Variants in RGL1 observed in about 807,000 individuals in gnomAD.
RGL1 encodes the protein ral guanine nucleotide dissociation stimulator like 1, also known as ral guanine nucleotide dissociation stimulator-like 1.
In RGL1, 24 loss-of-function variants were observed where a neutral mutation model predicts 95.2. That is an observed-to-expected ratio of 0.25 (90% CI 0.18 to 0.35). The LOEUF (loss-of-function observed/expected upper bound fraction) is 0.35. Ranked by LOEUF, RGL1 falls within the 10% of genes least tolerant of loss-of-function variation. The probability of loss-of-function intolerance (pLI) is 1.00; values close to 1 mark genes in which losing one functional copy is unlikely to be tolerated. For missense variants in RGL1, 715 were observed against 936.3 expected (o/e 0.76, Z 3.08); for synonymous variants, 329 against 344.9 (o/e 0.95, Z 0.51).
intron 12 of RGL1, among the ~76,000 whole-genome samples, chr1:183,904,213 A>C (rs988984113): frequency 1.3e-5 from 2 of 152,220 alleles, no homozygotes; most frequent in Non-Finnish European, 2.9e-5. Context: ...AATTTTCAAC[A>C]TAATTATGTA....
chr1:183,656,519 T>C (rs1290625489), intron 1 of RGL1, among the ~76,000 whole-genome samples: 2 of 152,232 alleles, frequency 1.3e-5, no homozygotes, highest in African/African-American at 4.8e-5. Context: ...CAAACTGTGT[T>C]CAAATCAGGG....
At chr1:183,908,165 G>T (rs1668446718) in intron 14 of RGL1, among the ~76,000 whole-genome samples, 1 of 152,022 alleles carries the variant, frequency 6.6e-6, no homozygotes, top group South Asian at 2.1e-4. Context: ...TTGAGGATTT[G>T]GGGGGATCAG....
At chr1:183,866,383 CA>C (rs1665839829) in intron 4 of RGL1, among the ~76,000 whole-genome samples, 1 of 152,068 alleles carries the variant, frequency 6.6e-6, no homozygotes, top group Non-Finnish European at 1.5e-5. Context: ...AGAATACACA[CA>C]AAAAAGTGAA....
intron 2 of RGL1, among the ~76,000 whole-genome samples, chr1:183,771,868 C>T (rs1659290962): frequency 6.6e-6 from 1 of 152,180 alleles, no homozygotes; most frequent in Non-Finnish European, 1.5e-5. Flanking sequence ...ACAGAAGTGG[C>T]TGGACGTGGA....
intron 1 of RGL1, among the ~76,000 whole-genome samples, chr1:183,668,420 TCTTTA>T (rs143517441): frequency 0.01 from 1,569 of 152,258 alleles, 29 homozygotes; most frequent in African/African-American, 0.036. Context: ...GTAATTTTTA[TCTTTA>T]CTTCTGTGTT....
intron 2 of RGL1, among the ~76,000 whole-genome samples, chr1:183,779,158 C>CCCTTCCTTCCTTCCTT (rs34992555): frequency 1.5e-3 from 138 of 91,852 alleles, no homozygotes; most frequent in South Asian, 2.1e-3. Context: ...TCAAAATTTT[C>CCCTTCCTTCCTTCCTT]CCTTCCTTCC....
chr1:183,690,805 T>G (rs1653900827), intron 1 of RGL1, among the ~76,000 whole-genome samples: 1 of 152,210 alleles, frequency 6.6e-6, no homozygotes, highest in African/African-American at 2.4e-5. Flanking sequence ...TTTCTTCTAC[T>G]TGTTAATAGT....
intron 2 of RGL1, among the ~76,000 whole-genome samples, chr1:183,790,800 A>G (rs1660406799): frequency 6.6e-6 from 1 of 152,152 alleles, no homozygotes; most frequent in African/African-American, 2.4e-5. Context: ...TGTTGGGTTT[A>G]TGTTATTCTG....
At chr1:183,753,482 A>G (rs1453314580) in intron 2 of RGL1, among the ~76,000 whole-genome samples, 1 of 152,196 alleles carries the variant, frequency 6.6e-6, no homozygotes, top group Admixed American at 6.5e-5. Context: ...GCTAAGAGCA[A>G]AAGACTTTAT....
chr1:183,710,675 G>A (rs1182144947), intron 1 of RGL1, among the ~76,000 whole-genome samples: 2 of 152,184 alleles, frequency 1.3e-5, no homozygotes, highest in African/African-American at 2.4e-5. Flanking sequence ...CATGGTGGCA[G>A]GAGAGGGAGA....
chr1:183,846,468 A>T (rs564989106), intron 2 of RGL1, among the ~76,000 whole-genome samples: 34 of 152,132 alleles, frequency 2.2e-4, no homozygotes, highest in Admixed American at 2.0e-3. Context: ...GATGGGTGCA[A>T]CAAACCACCA....
At chr1:183,798,904 G>A (rs541821770) in intron 2 of RGL1, among the ~76,000 whole-genome samples, 8 of 135,898 alleles carry the variant, frequency 5.9e-5, no homozygotes, top group Non-Finnish European at 9.4e-5. Flanking sequence ...TTTTTTTGAC[G>A]GAGTCTTGCT....
intron 1 of RGL1, among the ~76,000 whole-genome samples, chr1:183,688,416 C>A (rs574069261): frequency 3.9e-5 from 6 of 152,118 alleles, no homozygotes; most frequent in Admixed American, 2.0e-4. Flanking sequence ...AATTTTGGAG[C>A]ATCCTCCAGG....
intron 2 of RGL1, among the ~76,000 whole-genome samples, chr1:183,778,278 C>T (rs1287905668): frequency 6.6e-6 from 1 of 152,022 alleles, no homozygotes; most frequent in Non-Finnish European, 1.5e-5. Flanking sequence ...ATTGGCAGCG[C>T]TTGTGTTTAG....
chr1:183,729,989 T>G (rs1322182821), intron 1 of RGL1, among the ~76,000 whole-genome samples: 1 of 152,168 alleles, frequency 6.6e-6, no homozygotes, highest in Non-Finnish European at 1.5e-5. Flanking sequence ...GGGAAGGGGC[T>G]TAAGAGAATG....
At chr1:183,697,390 C>A (rs1654315372) in intron 1 of RGL1, among the ~76,000 whole-genome samples, 1 of 152,082 alleles carries the variant, frequency 6.6e-6, no homozygotes, top group Admixed American at 6.6e-5. Flanking sequence ...TTATTGTCTT[C>A]CTTTTCTACT....
intron 14 of RGL1, among the ~76,000 whole-genome samples, chr1:183,908,348 A>G (rs1461225657): frequency 2.0e-5 from 3 of 152,162 alleles, no homozygotes; most frequent in Non-Finnish European, 4.4e-5. Flanking sequence ...TCCCACCATC[A>G]GCGGCCACGC....
At chr1:183,921,055 T>C (rs923584927) in intron 16 of RGL1, among the ~76,000 whole-genome samples, 2 of 152,234 alleles carry the variant, frequency 1.3e-5, no homozygotes, top group Non-Finnish European at 2.9e-5. Context: ...AATCTGAGTT[T>C]TCATTCACTT....
intron 1 of RGL1, among the ~76,000 whole-genome samples, chr1:183,670,743 C>T (rs769105843): frequency 3.3e-5 from 5 of 152,286 alleles, no homozygotes; most frequent in African/African-American, 7.2e-5. Context: ...CCAGTTTTTA[C>T]GTGATGTTAG....
Sources: allele counts gnomAD v4.1 joint callset (sites outside exome capture counted in the v4.1 genomes callset), GRCh38; gene constraint gnomAD v4.1.1; transcripts MANE v1.5; gene names NCBI Gene and HGNC (gene_info 2026-07-23, HGNC 2026-07-21).